SNX18: variants seen among roughly 807,000 people sequenced by gnomAD.
SNX18 encodes sorting nexin-18.
Under a neutral mutation model 48.7 loss-of-function variants are expected in SNX18, and 35 were observed. The ratio of observed to expected loss-of-function variants is 0.72; its 90% CI spans 0.55 to 0.95. SNX18 has a LOEUF of 0.95. SNX18 is among the 40% of genes least tolerant of loss of function. The probability of loss-of-function intolerance (pLI) is 0.00; values close to 1 mark genes in which losing one functional copy is unlikely to be tolerated. For synonymous variants in SNX18, 492 were observed against 384.7 expected, an observed-to-expected ratio of 1.28 and a Z score of -3.26; for missense variants, 824 against 871.0, an observed-to-expected ratio of 0.95 and a Z score of 0.68.
the SNX18 span, among the ~76,000 whole-genome samples, chr5:54,554,753 A>C: frequency 2.6e-5 from 4 of 152,214 alleles, no homozygotes; most frequent in Non-Finnish European, 5.9e-5. Context: ...GCCTTTAAAA[A>C]ACCAGAAGTC....
chr5:54,578,904 C>G, the SNX18 span, among the ~76,000 whole-genome samples: 4 of 152,196 alleles, frequency 2.6e-5, no homozygotes, highest in Non-Finnish European at 4.4e-5. Flanking sequence ...GCTGCTTCAT[C>G]CTTTTGAAAT....
At chr5:54,601,497 T>C in the SNX18 span, among the ~76,000 whole-genome samples, 1 of 152,136 alleles carries the variant, frequency 6.6e-6, no homozygotes, top group East Asian at 1.9e-4. Context: ...CTGGGAAGAA[T>C]TTCTGTCCCA....
At chr5:54,580,909 C>A in the SNX18 span, among the ~76,000 whole-genome samples, 1 of 152,104 alleles carries the variant, frequency 6.6e-6, no homozygotes, top group Admixed American at 6.6e-5. Flanking sequence ...AAACTTTGCT[C>A]ATGAATACTG....
the SNX18 span, among the ~76,000 whole-genome samples, chr5:54,591,454 G>C: frequency 6.6e-6 from 1 of 152,202 alleles, no homozygotes; most frequent in South Asian, 2.1e-4. Context: ...GCCTCCCAAA[G>C]TGCTGGGATT....
chr5:54,641,904 A>G, the SNX18 span, among the ~76,000 whole-genome samples: 2 of 152,130 alleles, frequency 1.3e-5, no homozygotes, highest in South Asian at 4.2e-4. Context: ...ATTCTCTTCC[A>G]TACTTCTTTC....
At chr5:54,590,765 G>A in the SNX18 span, among the ~76,000 whole-genome samples, 3 of 151,980 alleles carry the variant, frequency 2.0e-5, no homozygotes. Context: ...CCCCTGCTTC[G>A]GCATCCTGTC....
At chr5:54,527,688 T>G (rs1282922575) in intron 1 of SNX18, among the ~76,000 whole-genome samples, 1 of 152,196 alleles carries the variant, frequency 6.6e-6, no homozygotes, top group Admixed American at 6.5e-5. Context: ...TGTGAATAAT[T>G]GTCTGTGCGG....
chr5:54,647,759 G>C, the SNX18 span, among the ~76,000 whole-genome samples: 5 of 152,280 alleles, frequency 3.3e-5, no homozygotes, highest in African/African-American at 1.2e-4. Flanking sequence ...CTAAGTAGCA[G>C]ATCATTGCAA....
chr5:54,569,305 CA>C, the SNX18 span, among the ~76,000 whole-genome samples: 2 of 152,140 alleles, frequency 1.3e-5, no homozygotes, highest in Non-Finnish European at 2.9e-5. Context: ...CCTGTGCATG[CA>C]AATACATTTA....
chr5:54,614,397 G>A, the SNX18 span, among the ~76,000 whole-genome samples: 1 of 152,204 alleles, frequency 6.6e-6, no homozygotes, highest in African/African-American at 2.4e-5. Context: ...ACAGTTTAGA[G>A]TAAGATTTAT....
the SNX18 span, among the ~76,000 whole-genome samples, chr5:54,586,987 CT>C: frequency 0.7 from 101,142 of 143,966 alleles, 35,156 homozygotes; most frequent in South Asian, 0.78. Flanking sequence ...AATTTATTTC[CT>C]TTTTTTTTTT....
In SNX18 at chr5:54,519,344, T is replaced by G; in HGVS notation, c.1392T>G (p.Tyr464Ter). Residue 464 changes from tyrosine (Y) to a stop codon, truncating the protein, a stop_gained, in exon 1 of 2, where the codon TAT (tyrosine) becomes TAG (stop). Coordinates refer to ENST00000381410, the MANE Select transcript of SNX18 (RefSeq NM_001102575.2). LOFTEE classifies it high-confidence loss of function. ...RKQVTGFKKEYQKVGQSFRGL... is the reference protein window; with the variant it reads ...RKQVTGFKKE ...AGGTGACCGGCTTCAAAAAGGAGTATCAGAAGGTGGGCCAGTCCTTCCGCG... is the reference window on the plus strand; with the variant it reads ...AGGTGACCGGCTTCAAAAAGGAGTAGCAGAAGGTGGGCCAGTCCTTCCGCG... The G allele has an allele frequency of 6.2e-7, 1 of 1,613,014 alleles. No homozygotes were observed.
At chr5:54,640,560 G>A in the SNX18 span, among the ~76,000 whole-genome samples, 4 of 152,112 alleles carry the variant, frequency 2.6e-5, no homozygotes, top group Admixed American at 6.5e-5. Context: ...CCTACAAGAC[G>A]AAATAGTAAT....
the SNX18 span, among the ~76,000 whole-genome samples, chr5:54,647,033 C>G: frequency 5.3e-5 from 8 of 152,148 alleles, no homozygotes; most frequent in African/African-American, 1.9e-4. Flanking sequence ...CTGGAGATTA[C>G]CAACTTGGCT....
At chr5:54,529,014 T>C (rs1410788891) in intron 1 of SNX18, among the ~76,000 whole-genome samples, 2 of 152,154 alleles carry the variant, frequency 1.3e-5, no homozygotes, top group Non-Finnish European at 2.9e-5. Context: ...CAGCTGCTGT[T>C]GGAGGTGATA....
the SNX18 span, among the ~76,000 whole-genome samples, chr5:54,640,816 T>C: frequency 1.3e-5 from 2 of 152,062 alleles, no homozygotes. Context: ...TCCCAGCACT[T>C]TGGGAGGCCG....
At chr5:54,577,244 G>T in the SNX18 span, among the ~76,000 whole-genome samples, 2 of 152,122 alleles carry the variant, frequency 1.3e-5, no homozygotes, top group African/African-American at 4.8e-5. Context: ...TCAATGAAAT[G>T]GGAGATGAGA....
the SNX18 span, among the ~76,000 whole-genome samples, chr5:54,571,402 C>A: frequency 6.6e-6 from 1 of 152,164 alleles, no homozygotes; most frequent in Non-Finnish European, 1.5e-5. Context: ...AATTCTAAGA[C>A]GCTTGGCAGT....
At chr5:54,566,011 G>C in the SNX18 span, among the ~76,000 whole-genome samples, 6 of 152,280 alleles carry the variant, frequency 3.9e-5, no homozygotes, top group East Asian at 9.6e-4. Context: ...GCTCATCATA[G>C]TCCTTCTCAA....
Sources: allele counts gnomAD v4.1 joint callset (sites outside exome capture counted in the v4.1 genomes callset), GRCh38; gene constraint gnomAD v4.1.1; transcripts MANE v1.5; gene names NCBI Gene and HGNC (gene_info 2026-07-23, HGNC 2026-07-21).